The following PAX3 variants were observed in gnomAD, a reference collection of about 807,000 sequenced individuals.
PAX3 encodes paired box 3.
A neutral mutation model predicts 51.6 loss-of-function variants in PAX3; 14 were observed. The observed-to-expected ratio is 0.27, with a 90% CI of 0.18 to 0.42. PAX3 has a LOEUF of 0.42. Ranked by LOEUF, PAX3 falls within the 10% of genes least tolerant of loss-of-function variation. The pLI, the probability that PAX3 is intolerant of heterozygous loss-of-function variation, is 1.00. For missense variants in PAX3, 540 were observed against 642.8 expected (o/e 0.84, Z 1.73); for synonymous variants, 280 against 253.4 (o/e 1.11, Z -1.00).
intron 7 of PAX3, among the ~76,000 whole-genome samples, chr2:222,210,756 T>C (rs1023466845): frequency 1.3e-5 from 2 of 152,214 alleles, no homozygotes; most frequent in Non-Finnish European, 2.9e-5. Flanking sequence ...CTAAGTAGAA[T>C]ACTTGAAAAT....
intron 4 of PAX3, among the ~76,000 whole-genome samples, chr2:222,247,757 G>A (rs1030161773): frequency 2.0e-5 from 3 of 152,040 alleles, no homozygotes; most frequent in African/African-American, 7.2e-5. Flanking sequence ...GTGGAATGAG[G>A]TGGACTCATA....
chr2:222,284,758 C>G (rs570566399), intron 4 of PAX3, among the ~76,000 whole-genome samples: 44 of 152,302 alleles, frequency 2.9e-4, no homozygotes, highest in African/African-American at 9.9e-4. Flanking sequence ...TATTTCCCCC[C>G]CGACCAAGAC....
chr2:222,201,908 C>T (rs375182072), intron 8 of PAX3, 36 bp downstream of exon 8: 22 of 1,613,836 alleles, frequency 1.4e-5, no homozygotes, highest in African/African-American at 2.7e-5. Context: ...ATCTCCCTTC[C>T]AGGAGAAATT....
intron 7 of PAX3, among the ~76,000 whole-genome samples, chr2:222,205,731 G>T (rs1395282668): frequency 1.3e-5 from 2 of 152,034 alleles, no homozygotes; most frequent in Middle Eastern, 3.2e-3. Context: ...TGTTGGTGGG[G>T]GGAGTGAGGA....
At chr2:222,275,143 T>C (rs1464358855) in intron 4 of PAX3, among the ~76,000 whole-genome samples, 1 of 152,182 alleles carries the variant, frequency 6.6e-6, no homozygotes, top group Non-Finnish European at 1.5e-5. Flanking sequence ...TTGATCTGAG[T>C]ACAGGATAAT....
chr2:222,294,758 G>GCCCCCCCCCCCCCCCCCCC (rs368069047), intron 3 of PAX3, among the ~76,000 whole-genome samples: 2 of 87,096 alleles, frequency 2.3e-5, no homozygotes, highest in African/African-American at 4.4e-5. Context: ...ACTTGTCCGC[G>GCCCCCCCCCCCCCCCCCCC]CCCCCCCCCA....
At position 222,225,168 on chromosome 2, in the gene PAX3, T is replaced by C. The variant is rs1306528158; in HGVS notation, c.793-3781A>G. On this transcript the variant is annotated intron_variant, in intron 5 of 8. Coordinates refer to ENST00000392070, the MANE Select transcript of PAX3 (RefSeq NM_181458.4). ...TTGTCTATCATTGCATGTATAATAT[T>C]ACATCAAAAGTCTCCCTCAAAGCAA... 3.3e-5 allele frequency among the ~76,000 whole-genome samples: 5 copies of C among 152,182 alleles called. No homozygotes were observed. In the East Asian group the frequency reaches 9.6e-4, roughly 29 times the overall value.
At chr2:222,229,133 T>C (rs1692490063) in intron 5 of PAX3, among the ~76,000 whole-genome samples, 1 of 151,622 alleles carries the variant, frequency 6.6e-6, no homozygotes, top group Non-Finnish European at 1.5e-5. Context: ...ATTTATAACA[T>C]TGTTATATAT....
chr2:222,222,278 A>T (rs1194751765), intron 5 of PAX3, among the ~76,000 whole-genome samples: 1 of 152,172 alleles, frequency 6.6e-6, no homozygotes, highest in Admixed American at 6.5e-5. Context: ...CAACTCTTAC[A>T]TCTGCAAAGT....
At chr2:222,296,445 T>G (rs1164126382) in intron 2 of PAX3, among the ~76,000 whole-genome samples, 1 of 152,170 alleles carries the variant, frequency 6.6e-6, no homozygotes, top group African/African-American at 2.4e-5. Context: ...ACCAAACTGC[T>G]TATTTTTTTT....
At position 222,201,411 on chromosome 2, in the gene PAX3, C is replaced by T. The variant is rs139297920; in HGVS notation, c.1452G>A (p.Ala484=). The T allele has an allele frequency of 9.3e-6, 15 of 1,613,632 alleles. No homozygotes were observed. The highest frequency in any genetic ancestry group is 2.2e-5 in the South Asian group (2 of 91,052). The part of the protein sequence containing the change: ...SAFHYLKPDI[A] ...TAGCTCCAAGTGGACAGTTCACTTACGCGATATCTGGCTTGAGATAATGAA... is the reference window on the plus strand; with the variant it reads ...TAGCTCCAAGTGGACAGTTCACTTATGCGATATCTGGCTTGAGATAATGAA... The change falls in exon 9 of 9, where the codon GCG becomes GCA. Residue 484 remains alanine (A), a synonymous_variant. Transcript: ENST00000392070.
rs1286263445 is a variant in PAX3 at position 222,248,603 on chromosome 2, T to A, written c.587-16320A>T. On this transcript the variant is annotated intron_variant, in intron 4 of 8. Coordinates refer to ENST00000392070, the MANE Select transcript of PAX3 (RefSeq NM_181458.4). ...CTGATTGACCACTTCCTTGAATTTGTATCCATTTAGCTGTGTGTCCCAGCA... is the reference window on the plus strand; with the variant it reads ...CTGATTGACCACTTCCTTGAATTTGAATCCATTTAGCTGTGTGTCCCAGCA... Among the ~76,000 whole-genome samples the A allele has an allele frequency of 3.3e-5, 5 of 152,208 alleles. No individual in the cohort carries two copies. The East Asian group carries it at 7.7e-4, about 23-fold the overall frequency.
intron 4 of PAX3, among the ~76,000 whole-genome samples, chr2:222,251,842 T>C (rs955218995): frequency 1.3e-5 from 2 of 152,174 alleles, no homozygotes; most frequent in Non-Finnish European, 2.9e-5. Flanking sequence ...GTTTTGATTT[T>C]CATTTTTCTT....
chr2:222,295,640 G>T lies in PAX3; in HGVS notation c.339C>A (p.Asp113Glu). 1.2e-6 allele frequency: 2 copies of T among 1,614,114 alleles called. No individual in the cohort carries two copies. Among genetic ancestry groups the T allele is most frequent in the Non-Finnish European group, 1.7e-6 (2 of 1,180,024 alleles). The change falls in exon 3 of 9, where the codon GAC becomes GAA. Residue 113 changes from aspartate to glutamate, a missense_variant. Coordinates refer to ENST00000392070, the MANE Select transcript of PAX3 (RefSeq NM_181458.4). ...GSKPKQVTTP[D>E]VEKKIEEYKR... ...TGTATTCCTCAATTTTCTTCTCCAC[G>T]TCAGGCGTTGTCACCTGCTTTAAGA...
At position 222,244,069 on chromosome 2, in the gene PAX3, G is replaced by T. The variant is rs556868598; in HGVS notation, c.587-11786C>A. ...GTATAAGTCTCCTGTCTACAAGGTGGTCCTTCAGATTAGTGTCACATCCAA... is the reference window on the plus strand; with the variant it reads ...GTATAAGTCTCCTGTCTACAAGGTGTTCCTTCAGATTAGTGTCACATCCAA... On this transcript the variant is annotated intron_variant, in intron 4 of 8. Transcript: ENST00000392070. Among the ~76,000 whole-genome samples, 14 of 152,258 alleles carry T rather than the reference G, an allele frequency of 9.2e-5. No individual in the cohort carries two copies. The South Asian group carries it at 2.7e-3, about 29-fold the overall frequency.
chr2:222,259,447 T>C (rs1693763658), intron 4 of PAX3, among the ~76,000 whole-genome samples: 1 of 152,156 alleles, frequency 6.6e-6, no homozygotes, highest in African/African-American at 2.4e-5. Context: ...ATGATATATA[T>C]CAAATATAAA....
intron 4 of PAX3, among the ~76,000 whole-genome samples, chr2:222,261,257 G>A (rs561374778): frequency 1.3e-5 from 2 of 152,190 alleles, no homozygotes; most frequent in African/African-American, 4.8e-5. Flanking sequence ...AAAAGCCAAG[G>A]GTTTCACAGG....
intron 4 of PAX3, among the ~76,000 whole-genome samples, chr2:222,272,064 C>T (rs889471107): frequency 6.6e-6 from 1 of 152,168 alleles, no homozygotes. Flanking sequence ...TTGCATGAAA[C>T]CATCCTACCA....
chr2:222,252,667 A>G (rs968229202), intron 4 of PAX3, among the ~76,000 whole-genome samples: 1 of 152,064 alleles, frequency 6.6e-6, no homozygotes, highest in Non-Finnish European at 1.5e-5. Context: ...ATCTCGTGTT[A>G]TTCTCCTATG....
Sources: gnomAD v4.1 joint callset for allele counts (sites outside exome capture counted in the v4.1 genomes callset) on GRCh38, gnomAD v4.1.1 for gene constraint, MANE v1.5 for transcripts, NCBI Gene and HGNC (gene_info 2026-07-23, HGNC 2026-07-21) for gene names.